Variants in SYCE3 observed in about 807,000 individuals in gnomAD.
SYCE3 encodes the protein testis highly expressed gene 2 protein.
Under a neutral mutation model 8.1 loss-of-function variants are expected in SYCE3, and 3 were observed. The ratio of observed to expected loss-of-function variants is 0.37; its 90% CI spans 0.17 to 0.96. The LOEUF is 0.96. SYCE3 is among the 40% of genes least tolerant of loss of function. The pLI is 0.41. For missense variants in SYCE3, 83 were observed against 110.0 expected (o/e 0.75, Z 1.10); for synonymous variants, 36 against 38.7 (o/e 0.93, Z 0.26).
chr22:50,558,340 A>G (rs996593222), intron 1 of SYCE3, among the ~76,000 whole-genome samples: 9 of 152,086 alleles, frequency 5.9e-5, no homozygotes, highest in Non-Finnish European at 1.3e-4. Context: ...CTGAGGCAGG[A>G]GAATCGCTTG....
Position 50,551,298 on chromosome 22 carries a change from C to T in SYCE3, c.214G>A (p.Glu72Lys), listed in dbSNP as rs918122543. ...LEDAFVNCKE[E>K]MEKNWQELLH... ...AGCTCTTGCCAGTTCTTCTCCATCT[C>T]CTCCTTGCAGTTGACGAAGGCATCC... The change falls in exon 3 of 3, where the codon GAG becomes AAG. Residue 72 changes from glutamate to lysine, a missense_variant. Glu to Lys is a moderately conservative substitution (Grantham distance 56). Transcript: ENST00000406915. 3.2e-6 allele frequency: 5 copies of T among 1,551,284 alleles called. No homozygotes were observed. In the African/African-American group the frequency reaches 6.8e-5, roughly 21 times the overall value.
chr22:50,557,309 A>G (rs200688506), intron 1 of SYCE3, among the ~76,000 whole-genome samples: 1 of 152,160 alleles, frequency 6.6e-6, no homozygotes, highest in East Asian at 1.9e-4. Context: ...GGCAAGTGCC[A>G]CCACGCCCGG....
At chr22:50,553,668 C>T (rs131776) in intron 2 of SYCE3, among the ~76,000 whole-genome samples, 63,024 of 151,880 alleles carry the variant, frequency 0.41, 14,266 homozygotes, top group East Asian at 0.62. Flanking sequence ...CTGCAAGTTC[C>T]GTCTCCTGGG....
At chr22:50,561,457 G>A (rs2069914823) in intron 1 of SYCE3, among the ~76,000 whole-genome samples, 1 of 148,772 alleles carries the variant, frequency 6.7e-6, no homozygotes, top group Admixed American at 6.7e-5. Flanking sequence ...GGAGAAAGAG[G>A]CCTGAGCCCG....
At chr22:50,560,507 C>G (rs1259386679) in intron 1 of SYCE3, among the ~76,000 whole-genome samples, 4 of 151,944 alleles carry the variant, frequency 2.6e-5, no homozygotes, top group Non-Finnish European at 4.4e-5. Flanking sequence ...TTGGGTGTCA[C>G]TGGTCAACTC....
chr22:50,555,784 A>T (rs1473360821), intron 2 of SYCE3, among the ~76,000 whole-genome samples: 1 of 145,830 alleles, frequency 6.9e-6, no homozygotes, highest in Non-Finnish European at 1.5e-5. Context: ...AGATCGAACC[A>T]ATGTACATCT....
chr22:50,559,825 G>A (rs1397581244), intron 1 of SYCE3, among the ~76,000 whole-genome samples: 1 of 152,188 alleles, frequency 6.6e-6, no homozygotes, highest in African/African-American at 2.4e-5. Flanking sequence ...CTACTCAGGA[G>A]GCTGAGGCAG....
intron 2 of SYCE3, among the ~76,000 whole-genome samples, chr22:50,554,112 G>A (rs1341949025): frequency 1.3e-5 from 2 of 150,758 alleles, no homozygotes; most frequent in South Asian, 2.1e-4. Context: ...GGAGAATGGC[G>A]TGAACCCGGG....
At chr22:50,552,115 C>T (rs906709570) in intron 2 of SYCE3, among the ~76,000 whole-genome samples, 3 of 152,240 alleles carry the variant, frequency 2.0e-5, no homozygotes, top group African/African-American at 7.2e-5. Context: ...TGGTGTGGTT[C>T]AGCCCTCTGC....
At chr22:50,554,967 A>C (rs894491971) in intron 2 of SYCE3, among the ~76,000 whole-genome samples, 7 of 150,344 alleles carry the variant, frequency 4.7e-5, no homozygotes, top group Non-Finnish European at 1.0e-4. Flanking sequence ...CTAAAAATAC[A>C]AAAAATTAGC....
intron 1 of SYCE3, 55 bp from the exon 2 acceptor site, chr22:50,556,460 G>C (rs562165031): frequency 8.0e-7 from 1 of 1,246,332 alleles, no homozygotes; most frequent in South Asian, 1.3e-5. Flanking sequence ...TTCAAATCCA[G>C]CTCCACTGGT....
At chr22:50,561,664 G>A (rs926076035) in intron 1 of SYCE3, among the ~76,000 whole-genome samples, 2 of 151,662 alleles carry the variant, frequency 1.3e-5, no homozygotes, top group East Asian at 1.9e-4. Context: ...TGTCTTGCCT[G>A]GTACGAAGAG....
intron 2 of SYCE3, among the ~76,000 whole-genome samples, chr22:50,551,606 T>C (rs1041248939): frequency 6.6e-6 from 1 of 152,218 alleles, no homozygotes; most frequent in African/African-American, 2.4e-5. Context: ...ATAGTGACGC[T>C]TCCTAGTCTC....
chr22:50,553,946 C>A (rs2069834251), intron 2 of SYCE3, among the ~76,000 whole-genome samples: 1 of 152,016 alleles, frequency 6.6e-6, no homozygotes, highest in Admixed American at 6.6e-5. Context: ...GTAATCCCAG[C>A]ACTTCGGGAG....
intron 1 of SYCE3, among the ~76,000 whole-genome samples, chr22:50,559,213 G>A (rs1418198964): frequency 1.3e-5 from 2 of 150,896 alleles, no homozygotes; most frequent in East Asian, 2.0e-4. Context: ...CACAACCTCC[G>A]CCTCCCAGGT....
intron 2 of SYCE3, among the ~76,000 whole-genome samples, chr22:50,554,295 A>G (rs1419705777): frequency 2.0e-5 from 3 of 152,184 alleles, no homozygotes; most frequent in Non-Finnish European, 2.9e-5. Flanking sequence ...AGAAGAAAAT[A>G]CAACTAAATA....
chr22:50,559,961 C>A (rs962202798), intron 1 of SYCE3, among the ~76,000 whole-genome samples: 1 of 151,994 alleles, frequency 6.6e-6, no homozygotes, highest in Non-Finnish European at 1.5e-5. Context: ...TAAAAAGTAA[C>A]CACTGGATTT....
chr22:50,557,046 T>C (rs1376741321), intron 1 of SYCE3, among the ~76,000 whole-genome samples: 2 of 152,146 alleles, frequency 1.3e-5, no homozygotes, highest in Non-Finnish European at 2.9e-5. Flanking sequence ...GAGACTGTCC[T>C]GGTTCTGGAA....
At chr22:50,558,418 C>A (rs1426366822) in intron 1 of SYCE3, among the ~76,000 whole-genome samples, 1 of 149,708 alleles carries the variant, frequency 6.7e-6, no homozygotes, top group African/African-American at 2.5e-5. Context: ...GTGACAAGAG[C>A]GAAACTTCAT....
Sources: gnomAD v4.1 joint callset for allele counts (sites outside exome capture counted in the v4.1 genomes callset) on GRCh38, gnomAD v4.1.1 for gene constraint, MANE v1.5 for transcripts, NCBI Gene and HGNC (gene_info 2026-07-23, HGNC 2026-07-21) for gene names.